Variants in CSMD1 observed in about 807,000 individuals in gnomAD.
CSMD1 encodes CUB and sushi domain-containing protein 1.
A neutral mutation model predicts 417.5 loss-of-function variants in CSMD1; 213 were observed. That is an observed-to-expected ratio of 0.51 (90% CI 0.46 to 0.57). The LOEUF (loss-of-function observed/expected upper bound fraction) is 0.57. CSMD1 is among the 20% of genes least tolerant of loss of function. CSMD1 has a pLI of 0.00. For missense variants in CSMD1, 6,923 were observed against 4,529.7 expected (o/e 1.53, Z -15.17); for synonymous variants, 2,862 against 1,736.8 (o/e 1.65, Z -16.11).
intron 1 of CSMD1, among the ~76,000 whole-genome samples, chr8:4,725,248 G>C (rs76194695): frequency 3.9e-5 from 6 of 152,212 alleles, no homozygotes; most frequent in African/African-American, 7.2e-5. Flanking sequence ...CACGAGCAAA[G>C]TATCGAACTT....
chr8:4,133,382 T>C (rs1342074636), intron 3 of CSMD1, among the ~76,000 whole-genome samples: 1 of 152,222 alleles, frequency 6.6e-6, no homozygotes, highest in Admixed American at 6.5e-5. Context: ...TGACACTTTA[T>C]AACATATATA....
intron 49 of CSMD1, among the ~76,000 whole-genome samples, chr8:3,070,699 T>C (rs1441764611): frequency 1.3e-5 from 2 of 152,236 alleles, no homozygotes; most frequent in African/African-American, 4.8e-5. Flanking sequence ...ACCCAGTCTC[T>C]AAGAATTTAC....
In CSMD1 at chr8:2,966,060, G is replaced by T. The variant is rs1005291209; in HGVS notation, c.9101-106C>A. 1.4e-5 allele frequency: 14 copies of T among 991,422 alleles called. No homozygotes were observed. In the African/African-American group the frequency reaches 1.9e-4, roughly 14 times the overall value. The allele number at this position is 991,422 out of a possible 1,614,324, so 61.4% of individuals were successfully genotyped here. A position where few individuals can be genotyped will look rare whatever the true frequency, so the allele number is the denominator to read the frequency against. Reference sequence around the variant, plus strand: ...TCTCTCTGAGTTGCTATTCACAGTGGTTAAGCAGTGAATTAATACAGCAAT... The same window carrying T: ...TCTCTCTGAGTTGCTATTCACAGTGTTTAAGCAGTGAATTAATACAGCAAT... On this transcript the variant is annotated intron_variant, in intron 58 of 69. Transcript: ENST00000635120.
At chr8:3,675,011 G>C (rs1032235113) in intron 7 of CSMD1, among the ~76,000 whole-genome samples, 1 of 152,160 alleles carries the variant, frequency 6.6e-6, no homozygotes, top group African/African-American at 2.4e-5. Flanking sequence ...GGTTTTTAAT[G>C]CCCAGTGATG....
At chr8:3,500,921 T>C (rs1012528484) in intron 10 of CSMD1, among the ~76,000 whole-genome samples, 3 of 152,188 alleles carry the variant, frequency 2.0e-5, no homozygotes, top group African/African-American at 4.8e-5. Flanking sequence ...GGATTTTTTC[T>C]TTTAATGGAG....
At chr8:4,023,366 A>T (rs1796883904) in intron 4 of CSMD1, among the ~76,000 whole-genome samples, 1 of 152,178 alleles carries the variant, frequency 6.6e-6, no homozygotes, top group Non-Finnish European at 1.5e-5. Flanking sequence ...CAAGCAGAAC[A>T]ACAATGCCCT....
intron 3 of CSMD1, among the ~76,000 whole-genome samples, chr8:4,370,097 T>C (rs1392395541): frequency 6.6e-6 from 1 of 151,878 alleles, no homozygotes; most frequent in East Asian, 1.9e-4. Flanking sequence ...TTCATTTCCA[T>C]ATTTAGCATG....
chr8:3,080,600 G>T (rs192093555), intron 49 of CSMD1, among the ~76,000 whole-genome samples: 8 of 152,312 alleles, frequency 5.3e-5, no homozygotes, highest in Admixed American at 1.3e-4. Flanking sequence ...ATCTCTGTCC[G>T]GGTTGTGGCC....
chr8:3,971,210 G>A (rs1813063590), intron 5 of CSMD1, among the ~76,000 whole-genome samples: 3 of 152,114 alleles, frequency 2.0e-5, no homozygotes, highest in Admixed American at 2.0e-4. Flanking sequence ...CGTGTTCAGA[G>A]GCGCTGCTTC....
intron 12 of CSMD1, among the ~76,000 whole-genome samples, chr8:3,427,240 T>C (rs1470934204): frequency 6.6e-6 from 1 of 152,164 alleles, no homozygotes; most frequent in Non-Finnish European, 1.5e-5. Flanking sequence ...AGATTTTATT[T>C]TGCTTTGAGA....
intron 1 of CSMD1, among the ~76,000 whole-genome samples, chr8:4,929,849 A>T (rs886297324): frequency 1.3e-5 from 2 of 152,184 alleles, no homozygotes; most frequent in Non-Finnish European, 2.9e-5. Flanking sequence ...CCATTGGCAA[A>T]TTTAAGTTTT....
intron 15 of CSMD1, 74 bp from the exon 16 acceptor site, chr8:3,399,603 GC>G: frequency 8.9e-7 from 1 of 1,123,374 alleles, no homozygotes; most frequent in Non-Finnish European, 1.2e-6. Context: ...CCGGATAAAA[GC>G]CAGAATCTGC....
intron 1 of CSMD1, among the ~76,000 whole-genome samples, chr8:4,962,725 C>G (rs886111296): frequency 2.0e-5 from 3 of 152,110 alleles, no homozygotes; most frequent in African/African-American, 4.8e-5. Context: ...TGGGCAAGAA[C>G]GGCAGGAGAA....
At chr8:4,666,787 C>T (rs1254451546) in intron 1 of CSMD1, among the ~76,000 whole-genome samples, 1 of 152,112 alleles carries the variant, frequency 6.6e-6, no homozygotes, top group Non-Finnish European at 1.5e-5. Context: ...AACGTTCTCA[C>T]ATTCTGTAGT....
chr8:4,328,145 G>C (rs768933691), intron 3 of CSMD1, among the ~76,000 whole-genome samples: 4 of 151,930 alleles, frequency 2.6e-5, no homozygotes, highest in Admixed American at 1.3e-4. Context: ...AATACTCAAA[G>C]ATGTTAAATG....
chr8:3,394,126 G>A (rs980158658), intron 17 of CSMD1, among the ~76,000 whole-genome samples: 39 of 140,744 alleles, frequency 2.8e-4, no homozygotes, highest in Admixed American at 1.8e-3. Context: ...AATGCCTTAC[G>A]AAGCCTGCCC....
At chr8:4,148,123 C>A (rs1420681203) in intron 3 of CSMD1, among the ~76,000 whole-genome samples, 1 of 152,146 alleles carries the variant, frequency 6.6e-6, no homozygotes, top group Non-Finnish European at 1.5e-5. Context: ...ATGCGCGTGA[C>A]ATGCTCTGGG....
intron 2 of CSMD1, among the ~76,000 whole-genome samples, chr8:4,622,296 G>A (rs1317878444): frequency 6.6e-6 from 1 of 152,120 alleles, no homozygotes; most frequent in Non-Finnish European, 1.5e-5. Context: ...AGCTGGCTGA[G>A]GAGGGAGGAT....
At chr8:4,377,537 A>G (rs1802834059) in intron 3 of CSMD1, among the ~76,000 whole-genome samples, 1 of 152,206 alleles carries the variant, frequency 6.6e-6, no homozygotes, top group Non-Finnish European at 1.5e-5. Flanking sequence ...ACTAATATAT[A>G]CTCAAAGTTG....
Sources: allele counts gnomAD v4.1 joint callset (sites outside exome capture counted in the v4.1 genomes callset), GRCh38; gene constraint gnomAD v4.1.1; transcripts MANE v1.5; gene names NCBI Gene and HGNC (gene_info 2026-07-23, HGNC 2026-07-21).